The following SDK1 variants were observed in gnomAD, a reference collection of about 807,000 sequenced individuals.
The protein encoded by SDK1 is sidekick cell adhesion molecule 1, also known as protein sidekick-1.
A neutral mutation model predicts 245.5 loss-of-function variants in SDK1; 157 were observed. That is an observed-to-expected ratio of 0.64 (90% CI 0.56 to 0.73). The LOEUF (loss-of-function observed/expected upper bound fraction) is 0.73, where lower values mean the gene tolerates loss of function less well. Ranked by LOEUF, SDK1 falls within the 30% of genes least tolerant of loss-of-function variation. SDK1 has a pLI of 0.00. For synonymous variants in SDK1, 1,647 were observed against 1,278.5 expected, an observed-to-expected ratio of 1.29 and a Z score of -6.15; for missense variants, 3,583 against 3,002.3, an observed-to-expected ratio of 1.19 and a Z score of -4.52.
chr7:4,222,177 T>G (rs1785184510), intron 40 of SDK1, among the ~76,000 whole-genome samples: 1 of 152,202 alleles, frequency 6.6e-6, no homozygotes, highest in African/African-American at 2.4e-5. Flanking sequence ...AAACAGGCTA[T>G]TAGACCAAGA....
intron 22 of SDK1, among the ~76,000 whole-genome samples, chr7:4,107,763 A>G (rs115133903): frequency 0.015 from 2,344 of 152,236 alleles, 57 homozygotes; most frequent in African/African-American, 0.048. Flanking sequence ...GACATTGCCC[A>G]GGCAGCCGGG....
At chr7:4,020,136 C>T (rs1011264602) in intron 17 of SDK1, among the ~76,000 whole-genome samples, 4 of 152,108 alleles carry the variant, frequency 2.6e-5, no homozygotes, top group Admixed American at 2.0e-4. Context: ...GCACCACCCA[C>T]CTGACCCTTC....
intron 13 of SDK1, among the ~76,000 whole-genome samples, chr7:3,983,595 C>T (rs1258743927): frequency 4.6e-5 from 7 of 152,206 alleles, no homozygotes; most frequent in Non-Finnish European, 7.3e-5. Flanking sequence ...GAAACCAAAA[C>T]GTGTGTGACT....
chr7:3,666,324 G>C (rs185385133), intron 4 of SDK1, among the ~76,000 whole-genome samples: 38 of 152,288 alleles, frequency 2.5e-4, no homozygotes, highest in Non-Finnish European at 4.9e-4. Flanking sequence ...CACTGTCCCA[G>C]CTGCCCCAGG....
intron 3 of SDK1, 143 bp from the exon 4 acceptor site, chr7:3,641,815 C>T: frequency 8.6e-6 from 6 of 694,422 alleles, no homozygotes; most frequent in Non-Finnish European, 1.4e-5. Flanking sequence ...TTGGTCAGCG[C>T]TGCCGTGCAG....
chr7:3,892,525 AC>A (rs1781485436), intron 5 of SDK1, among the ~76,000 whole-genome samples: 1 of 152,184 alleles, frequency 6.6e-6, no homozygotes, highest in South Asian at 2.1e-4. Flanking sequence ...GTGAGCCTGT[AC>A]CCTTCACCTC....
intron 4 of SDK1, among the ~76,000 whole-genome samples, chr7:3,804,362 T>A (rs1403006855): frequency 6.6e-6 from 1 of 152,206 alleles, no homozygotes; most frequent in Non-Finnish European, 1.5e-5. Context: ...CCTTCACAGA[T>A]TGGTTTTTGC....
intron 5 of SDK1, among the ~76,000 whole-genome samples, chr7:3,826,448 C>T (rs901852216): frequency 4.6e-5 from 7 of 152,144 alleles, no homozygotes; most frequent in Non-Finnish European, 7.3e-5. Context: ...TTCTTCTTGG[C>T]GACGTGGCTT....
intron 1 of SDK1, among the ~76,000 whole-genome samples, chr7:3,462,808 A>G (rs988346295): frequency 6.6e-6 from 1 of 152,142 alleles, no homozygotes. Flanking sequence ...TAGTAGATGT[A>G]GTCTCATCCA....
In SDK1 at chr7:4,205,742, C is replaced by G. The variant is rs908614801; in HGVS notation, c.5099-137C>G. 2.5e-5 allele frequency: 18 copies of G among 715,588 alleles called. No individual in the cohort carries two copies. The African/African-American group carries it at 3.0e-4, about 12-fold the overall frequency. The allele number at this position is 715,588 out of a possible 1,614,324, so 44.3% of individuals were successfully genotyped here. On this transcript the variant is annotated intron_variant, in intron 35 of 44. Coordinates refer to ENST00000404826, the MANE Select transcript of SDK1 (RefSeq NM_152744.4). ...CTGTCTAAGGCCTCCTAAGCCAGGG[C>G]GACGGCCCAGGGAAGAATCTCTCAC...
chr7:4,224,839 T>G (rs1348531457), intron 40 of SDK1, among the ~76,000 whole-genome samples: 1 of 151,368 alleles, frequency 6.6e-6, no homozygotes, highest in Non-Finnish European at 1.5e-5. Flanking sequence ...AAAAATTAGC[T>G]GGGTGTGGTG....
chr7:3,937,097 C>T (rs185692003), intron 5 of SDK1, among the ~76,000 whole-genome samples: 13 of 152,228 alleles, frequency 8.5e-5, no homozygotes, highest in East Asian at 5.8e-4. Flanking sequence ...CCCAGGAGCA[C>T]GGCAGTTCTC....
intron 5 of SDK1, among the ~76,000 whole-genome samples, chr7:3,828,477 T>C (rs897209357): frequency 2.0e-5 from 3 of 151,902 alleles, no homozygotes; most frequent in Admixed American, 2.0e-4. Context: ...GAGAGATGCA[T>C]TTCTAGTTTT....
intron 1 of SDK1, among the ~76,000 whole-genome samples, chr7:3,552,611 A>ATTCTGAGCAATGT (rs930636874): frequency 3.9e-5 from 6 of 152,266 alleles, no homozygotes; most frequent in African/African-American, 1.4e-4. Context: ...TGTTGATTTG[A>ATTCTGAGCAATGT]TTCTGAGCAA....
At chr7:4,084,512 A>G (rs1348726107) in intron 22 of SDK1, among the ~76,000 whole-genome samples, 5 of 152,150 alleles carry the variant, frequency 3.3e-5, no homozygotes. Context: ...ATGCTGTTTA[A>G]AGACGATAAC....
At chr7:4,116,011 G>C (rs2128192550) in intron 25 of SDK1, among the ~76,000 whole-genome samples, 1 of 152,286 alleles carries the variant, frequency 6.6e-6, no homozygotes, top group East Asian at 1.9e-4. Context: ...GGGTGGAGGT[G>C]GCTTTGGGGG....
chr7:3,369,115 G>C (rs780959855), intron 1 of SDK1, among the ~76,000 whole-genome samples: 2 of 151,920 alleles, frequency 1.3e-5, no homozygotes, highest in Admixed American at 1.3e-4. Context: ...TGTGATATTG[G>C]CTCACTGCAA....
chr7:3,919,448 G>A (rs751578538), intron 5 of SDK1, among the ~76,000 whole-genome samples: 16 of 152,226 alleles, frequency 1.1e-4, no homozygotes, highest in Admixed American at 2.0e-4. Flanking sequence ...GTCAAGTGAC[G>A]ACAGATGACA....
intron 14 of SDK1, among the ~76,000 whole-genome samples, chr7:3,995,127 C>A (rs1339637447): frequency 6.6e-6 from 1 of 152,206 alleles, no homozygotes; most frequent in African/African-American, 2.4e-5. Context: ...CCCTGCCTCT[C>A]CGATTTATCT....
Sources: gnomAD v4.1 joint callset for allele counts (sites outside exome capture counted in the v4.1 genomes callset) on GRCh38, gnomAD v4.1.1 for gene constraint, MANE v1.5 for transcripts, NCBI Gene and HGNC (gene_info 2026-07-23, HGNC 2026-07-21) for gene names.